PLD1: variants seen among roughly 807,000 people sequenced by gnomAD.
PLD1 encodes choline phosphatase 1.
A neutral mutation model predicts 137.1 loss-of-function variants in PLD1; 112 were observed. The ratio of observed to expected loss-of-function variants is 0.82; its 90% confidence interval spans 0.70 to 0.96. The LOEUF is 0.96. Among genes scored for constraint, PLD1 ranks in the 40% least tolerant of loss-of-function variants. The pLI is 0.00. For synonymous variants in PLD1, 431 were observed against 454.7 expected, an observed-to-expected ratio of 0.95 and a Z score of 0.66; for missense variants, 1,321 against 1,342.0, an observed-to-expected ratio of 0.98 and a Z score of 0.24.
intron 1 of PLD1, among the ~76,000 whole-genome samples, chr3:171,745,120 T>C (rs1207622329): frequency 6.6e-6 from 1 of 152,266 alleles, no homozygotes; most frequent in Non-Finnish European, 1.5e-5. Flanking sequence ...ATTTCCCTCT[T>C]TGCAGTGGTG....
intron 1 of PLD1, among the ~76,000 whole-genome samples, chr3:171,777,093 C>T (rs1172226911): frequency 6.6e-6 from 1 of 151,760 alleles, no homozygotes; most frequent in Non-Finnish European, 1.5e-5. Context: ...AAAAGCTGAA[C>T]ATTTCTTAAT....
intron 21 of PLD1, among the ~76,000 whole-genome samples, chr3:171,652,209 C>T (rs952233039): frequency 2.0e-5 from 3 of 151,844 alleles, no homozygotes; most frequent in African/African-American, 7.3e-5. Flanking sequence ...GTCAGCAGAT[C>T]GAGACCATCC....
intron 19 of PLD1, among the ~76,000 whole-genome samples, chr3:171,669,692 C>T (rs898734312): frequency 6.6e-6 from 1 of 152,204 alleles, no homozygotes; most frequent in Non-Finnish European, 1.5e-5. Context: ...TGAGCCACTG[C>T]GCCCAGCCTG....
At chr3:171,699,873 A>G in intron 11 of PLD1, 47 bp from the exon 12 acceptor site, 1 of 1,471,460 alleles carries the variant, frequency 6.8e-7, no homozygotes, top group Non-Finnish European at 9.5e-7. Flanking sequence ...CAAAATATAA[A>G]GTTCTGATTG....
In PLD1 at chr3:171,737,950, G is replaced by C. The variant is rs1406432389; in HGVS notation, c.102C>G (p.His34Gln). The C allele has an allele frequency of 6.2e-7, 1 of 1,613,988 alleles. No individual in the cohort carries two copies. Among genetic ancestry groups the C allele is most frequent in the Non-Finnish European group, 8.5e-7 (1 of 1,179,948 alleles). Reference sequence around the variant, plus strand: ...CGTAGTCTACCTCCTCTCCCTCAAAGTGGAGTTCCCGCGTGTCCAGATTTT... The same window carrying C: ...CGTAGTCTACCTCCTCTCCCTCAAACTGGAGTTCCCGCGTGTCCAGATTTT... ...IIENLDTRELHFEGEEVDYDV... is the reference protein window; with the variant it reads ...IIENLDTRELQFEGEEVDYDV... Residue 34 changes from histidine to glutamine, a missense_variant, in exon 2 of 27, where the codon CAC becomes CAG. Physicochemically the swap from His to Gln is conservative, Grantham distance 24 (BLOSUM62 0). Coordinates refer to ENST00000351298, the MANE Select transcript of PLD1 (RefSeq NM_002662.5).
intron 1 of PLD1, among the ~76,000 whole-genome samples, chr3:171,773,063 C>A (rs1722449639): frequency 1.3e-5 from 2 of 152,198 alleles, no homozygotes; most frequent in Admixed American, 1.3e-4. Context: ...GGGGCTGTGT[C>A]TCCATCAGTC....
Position 171,697,237 on chromosome 3 carries a change from C to CTTTT in PLD1, c.1227+2504_1227+2507dup, listed in dbSNP as rs34340739. ...ACTATCAGAGTCACCTTCCGGACACCTTTTTTTTTTTTTTTTTTTTTTTTT... is the reference window on the plus strand; with the variant it reads ...ACTATCAGAGTCACCTTCCGGACACCTTTTTTTTTTTTTTTTTTTTTTTTTTTTT... On this transcript the variant is annotated intron_variant, in intron 12 of 26. Transcript: ENST00000351298. Among the ~76,000 whole-genome samples, 114 of 97,206 alleles carry CTTTT rather than the reference C, an allele frequency of 1.2e-3. 1 individual carries two copies. Among genetic ancestry groups the CTTTT allele is most frequent in the African/African-American group, 2.1e-3 (53 of 25,658 alleles). 63.8% of individuals were successfully genotyped at this position (97,206 alleles called of 152,430 possible).
At chr3:171,713,173 T>G (rs927861768) in intron 9 of PLD1, among the ~76,000 whole-genome samples, 1 of 152,202 alleles carries the variant, frequency 6.6e-6, no homozygotes, top group African/African-American at 2.4e-5. Flanking sequence ...CAAGATATCT[T>G]TCTTGGCCAG....
chr3:171,783,571 C>T (rs1400698565), intron 1 of PLD1, among the ~76,000 whole-genome samples: 1 of 152,076 alleles, frequency 6.6e-6, no homozygotes. Flanking sequence ...GGATTTAAAT[C>T]TAAATGTTTG....
At chr3:171,687,343 A>C in intron 15 of PLD1, 28 bp downstream of exon 15, 1 of 1,587,050 alleles carries the variant, frequency 6.3e-7, no homozygotes, top group Non-Finnish European at 8.7e-7. Context: ...GGTAGTTAAG[A>C]TAAATTCTAG....
At chr3:171,680,176 T>C (rs1410023101) in intron 16 of PLD1, among the ~76,000 whole-genome samples, 1 of 151,798 alleles carries the variant, frequency 6.6e-6, no homozygotes, top group African/African-American at 2.4e-5. Context: ...TGTTCTTCTT[T>C]CCTAGCTCCT....
At chr3:171,692,163 G>A (rs1715225993) in intron 13 of PLD1, among the ~76,000 whole-genome samples, 169 bp downstream of exon 13, 1 of 152,172 alleles carries the variant, frequency 6.6e-6, no homozygotes, top group Non-Finnish European at 1.5e-5. Context: ...CATCAATGTA[G>A]GGAAGATAAG....
At chr3:171,773,907 C>G (rs1241511985) in intron 1 of PLD1, among the ~76,000 whole-genome samples, 3 of 151,668 alleles carry the variant, frequency 2.0e-5, no homozygotes, top group Non-Finnish European at 4.4e-5. Context: ...CGCCACCGCA[C>G]CCAGCTAATT....
At chr3:171,782,916 G>C (rs1348700820) in intron 1 of PLD1, among the ~76,000 whole-genome samples, 1 of 152,170 alleles carries the variant, frequency 6.6e-6, no homozygotes, top group East Asian at 1.9e-4. Context: ...TTCTGAACAG[G>C]CAAGAGCAAC....
chr3:171,723,871 G>A (rs1319298813), intron 8 of PLD1, among the ~76,000 whole-genome samples: 1 of 152,032 alleles, frequency 6.6e-6, no homozygotes, highest in East Asian at 1.9e-4. Context: ...TTATCAGATA[G>A]GTAGTTTGTA....
intron 11 of PLD1, among the ~76,000 whole-genome samples, chr3:171,700,230 G>A (rs934845712): frequency 4.6e-5 from 7 of 151,846 alleles, no homozygotes; most frequent in Admixed American, 3.3e-4. Context: ...AGAGCACAAC[G>A]TGACACAATC....
chr3:171,767,808 T>C (rs943227454), intron 1 of PLD1, among the ~76,000 whole-genome samples: 1 of 152,178 alleles, frequency 6.6e-6, no homozygotes, highest in African/African-American at 2.4e-5. Flanking sequence ...TTTGTTTACA[T>C]GGCTCATGCC....
chr3:171,713,946 C>A lies in PLD1; in HGVS notation c.858G>T (p.Val286=). Residue 286 remains valine (V), a synonymous_variant, in exon 9 of 27, where the codon GTG becomes GTT. Coordinates refer to ENST00000351298, the MANE Select transcript of PLD1 (RefSeq NM_002662.5). ...LLVDKEFKIK[V]GKKETETKYG... is the part of the protein sequence containing the mutation. The stretch of plus-strand genomic sequence containing the variant: ...ATTTCGTTTCTGTCTCCTTCTTCCC[C>A]ACCTTAATTTTGAATTCTTTGTCTA... 1 of 1,612,942 alleles carries A rather than the reference C, an allele frequency of 6.2e-7. No homozygotes were observed. Among genetic ancestry groups the A allele is most frequent in the South Asian group, 1.1e-5 (1 of 91,050 alleles).
rs773917914 is a variant in PLD1 at position 171,620,431 on chromosome 3, C to G, written c.2683G>C (p.Val895Leu). ...EGNLVTELIY[V>L]HSKLLIADDN... ...TCAGCAATTAACAACTTGCTGTGGA[C>G]ATAGATAAGCTCAGTTACTAGGTTT... Residue 895 changes from valine to leucine, a missense_variant, in exon 24 of 27, where the codon GTC becomes CTC. By Grantham distance (32) the Val-to-Leu change is conservative. Coordinates refer to ENST00000351298, the MANE Select transcript of PLD1 (RefSeq NM_002662.5). 5 of 1,599,114 alleles carry G rather than the reference C, an allele frequency of 3.1e-6. No homozygotes were observed. Among genetic ancestry groups the G allele is most frequent in the Non-Finnish European group, 4.3e-6 (5 of 1,168,896 alleles).
Sources: gnomAD v4.1 joint callset for allele counts (sites outside exome capture counted in the v4.1 genomes callset) on GRCh38, gnomAD v4.1.1 for gene constraint, MANE v1.5 for transcripts, NCBI Gene and HGNC (gene_info 2026-07-23, HGNC 2026-07-21) for gene names.